The following FAM186B variants were observed in gnomAD, a reference collection of about 807,000 sequenced individuals.
FAM186B encodes the protein family with sequence similarity 186 member B.
A neutral mutation model predicts 83.4 loss-of-function variants in FAM186B; 68 were observed. The observed-to-expected ratio is 0.81, with a 90% CI of 0.67 to 1.00. The LOEUF (loss-of-function observed/expected upper bound fraction) is 1.00. Among genes scored for constraint, FAM186B ranks in the 50% least tolerant of loss-of-function variants. The probability of loss-of-function intolerance (pLI) is 0.00; values close to 1 mark genes in which losing one functional copy is unlikely to be tolerated. For synonymous variants in FAM186B, 389 were observed against 422.0 expected (o/e 0.92, Z 0.96); for missense variants, 983 against 1,099.2 (o/e 0.89, Z 1.49).
At chr12:49,605,341 A>T (rs2138314470) in intron 1 of FAM186B, 41 bp downstream of exon 1, 4 of 1,590,946 alleles carry the variant, frequency 2.5e-6, no homozygotes, top group Non-Finnish European at 3.4e-6. Flanking sequence ...TCTCCGCATC[A>T]GATCCCAATG....
chr12:49,606,367 T>C (rs141984178), upstream of FAM186B, among the ~76,000 whole-genome samples: 1 of 151,362 alleles, frequency 6.6e-6, no homozygotes, highest in African/African-American at 2.4e-5. Flanking sequence ...TGGTGGCGCA[T>C]GCCTGGGATC....
At chr12:49,618,156 C>T in the FAM186B span, among the ~76,000 whole-genome samples, 1 of 152,082 alleles carries the variant, frequency 6.6e-6, no homozygotes, top group African/African-American at 2.4e-5. Flanking sequence ...ACCATCCTGA[C>T]CAACACGGTG....
At position 49,600,836 on chromosome 12, in the gene FAM186B, C is replaced by T. The variant is rs754108727; in HGVS notation, c.804G>A (p.Ala268=). 10 of 1,612,388 alleles carry T rather than the reference C, an allele frequency of 6.2e-6. No homozygotes were observed. The highest frequency in any genetic ancestry group is 1.1e-5 in the South Asian group (1 of 90,812). The part of the protein sequence containing the change: ...ETKYRHLQMQ[A]TKELSSQRLH... ...GCCTCTGGCTGCTGAGCTCTTTGGT[C>T]GCCTGCATTTGCAGGTGCCTGTATT... Residue 268 remains alanine, a synonymous_variant, in exon 4 of 7, where the codon GCG becomes GCA. Transcript: ENST00000257894. The surrounding 1 kb of genome is among the most constrained non-coding windows in gnomAD (Gnocchi z 4.3).
intron 5 of FAM186B, chr12:49,595,425 A>G: frequency 3.9e-6 from 2 of 515,376 alleles, no homozygotes; most frequent in South Asian, 3.1e-5. Context: ...AGGGCCTTAT[A>G]GCCACTATCT....
the FAM186B span, among the ~76,000 whole-genome samples, chr12:49,612,535 GTT>G: frequency 7.3e-6 from 1 of 137,162 alleles, no homozygotes; most frequent in Non-Finnish European, 1.6e-5. Flanking sequence ...TTTTATGTGT[GTT>G]TTTTTTTTTT....
the FAM186B span, among the ~76,000 whole-genome samples, chr12:49,611,594 C>T: frequency 1.5e-5 from 2 of 131,186 alleles, no homozygotes; most frequent in African/African-American, 5.9e-5. Context: ...GGCGCAGTGG[C>T]TCACACCTGT....
At chr12:49,582,982 G>C (rs1484455441), downstream of FAM186B, 4 of 451,496 alleles carry the variant, frequency 8.9e-6, no homozygotes, top group Middle Eastern at 3.3e-4. Context: ...TGTTACCAAA[G>C]CAGGAGAAGA....
the FAM186B span, among the ~76,000 whole-genome samples, chr12:49,616,120 C>T: frequency 6.6e-6 from 1 of 151,898 alleles, no homozygotes; most frequent in Non-Finnish European, 1.5e-5. Flanking sequence ...ACCTCCGCCT[C>T]CCGGGTTCAA....
the FAM186B span, among the ~76,000 whole-genome samples, chr12:49,618,471 A>C: frequency 4.6e-5 from 7 of 152,098 alleles, no homozygotes; most frequent in Non-Finnish European, 8.8e-5. Context: ...GGAGTCTAAG[A>C]CCTCCAAGAA....
chr12:49,594,015 A>G (rs565327455), intron 5 of FAM186B: 3 of 163,292 alleles, frequency 1.8e-5, no homozygotes, highest in Non-Finnish European at 4.1e-5. Flanking sequence ...TAGGTAGGGA[A>G]TTGGTGGGTT....
chr12:49,600,461 G>A lies in FAM186B; in HGVS notation c.1179C>T (p.Ser393=), dbSNP rs184672697. ...CGACCCTCGAGCGCACAGTCATGGT[G>A]GAAAGTGGCTGGTGCCCTGCAGCTA... is the stretch of plus-strand genomic sequence containing the variant. The part of the protein sequence containing the change: ...GAIAAGHQPL[S]TMTVRSRVAD... Residue 393 remains serine, a synonymous_variant, in exon 4 of 7, where the codon TCC becomes TCT. Transcript: ENST00000257894. The surrounding 1 kb of genome is among the most constrained non-coding windows in gnomAD (Gnocchi z 4.3). 2 of 1,613,570 alleles carry A rather than the reference G, an allele frequency of 1.2e-6. No homozygotes were observed. The highest frequency in any genetic ancestry group is 4.5e-5 in the East Asian group (2 of 44,872).
upstream of FAM186B, among the ~76,000 whole-genome samples, chr12:49,607,632 CTT>C (rs1184583775): frequency 6.6e-6 from 1 of 152,162 alleles, no homozygotes; most frequent in Admixed American, 6.5e-5. Flanking sequence ...TATAAAAACT[CTT>C]TCAAAAAATT....
At chr12:49,616,463 A>C in the FAM186B span, among the ~76,000 whole-genome samples, 2,423 of 152,352 alleles carry the variant, frequency 0.016, 61 homozygotes, top group African/African-American at 0.054. Context: ...AAAAACCCAA[A>C]CACAACAGTC....
chr12:49,600,858 T>C lies in FAM186B; in HGVS notation c.782A>G (p.Tyr261Cys). The change falls in exon 4 of 7, where the codon TAC (tyrosine) becomes TGC (cysteine). Residue 261 changes from tyrosine to cysteine, a missense_variant. By Grantham distance (194) the Tyr-to-Cys change is radical. Coordinates refer to ENST00000257894, the MANE Select transcript of FAM186B (RefSeq NM_032130.3). This position sits in a 1 kb window ranked among gnomAD's most constrained non-coding sequence, Gnocchi z 4.3. ...GGTCGCCTGCATTTGCAGGTGCCTG[T>C]ATTTGGTCTCCAGGCTCCTGTTCTC... is the stretch of plus-strand genomic sequence containing the variant. ...HKENRSLETK[Y>C]RHLQMQATKE... 1 of 1,613,500 alleles carries C rather than the reference T, an allele frequency of 6.2e-7. No homozygotes were observed. Among genetic ancestry groups the C allele is most frequent in the Middle Eastern group, 1.7e-4 (1 of 6,052 alleles).
intron 6 of FAM186B, among the ~76,000 whole-genome samples, chr12:49,588,233 A>C (rs1318766218): frequency 1.3e-5 from 2 of 152,238 alleles, no homozygotes. Flanking sequence ...TGCACTGGTC[A>C]GGCTAGTCCC....
chr12:49,594,192 C>T, intron 5 of FAM186B: 1 of 282,684 alleles, frequency 3.5e-6, no homozygotes, highest in Non-Finnish European at 7.4e-6. Flanking sequence ...CAATCAGATG[C>T]AGAGAATGTG....
chr12:49,619,664 T>C, the FAM186B span: 1 of 293,406 alleles, frequency 3.4e-6, no homozygotes, highest in Non-Finnish European at 6.4e-6. Context: ...TAGTTAGACA[T>C]CTCTTTTTTT....
At position 49,587,751 on chromosome 12, in the gene FAM186B, G is replaced by A; in HGVS notation, c.2536C>T (p.Gln846Ter). The change falls in exon 7 of 7, where the codon CAA becomes TAA. Residue 846 changes from glutamine to a stop codon, truncating the protein, a stop_gained and splice_region_variant. Coordinates refer to ENST00000257894, the MANE Select transcript of FAM186B (RefSeq NM_032130.3). LOFTEE classifies it low-confidence loss of function (END_TRUNC). ...RACVPLQMAR[Q>*]QGKQMEAVWK... The stretch of plus-strand genomic sequence containing the variant: ...ACAGCCTCCATCTGCTTCCCCTGTT[G>A]GCTGGGAGTGGGGAGTTTGGAGAAT... 1 of 1,611,950 alleles carries A rather than the reference G, an allele frequency of 6.2e-7. No homozygotes were observed. Among genetic ancestry groups the A allele is most frequent in the Non-Finnish European group, 8.5e-7 (1 of 1,179,076 alleles).
rs1253980374 is a variant in FAM186B, at chr12:49,604,444, G to A, written c.191C>T (p.Ala64Val). ...CTTTGGATCTCTCTGCTGAGATTTG[G>A]CATTTTCTTTTAAATCATATCCTAA... is the stretch of plus-strand genomic sequence containing the variant. ...EELGYDLKEN[A>V]KSQQRDPKGK... is the part of the protein sequence containing the mutation. Residue 64 changes from alanine (A) to valine (V), a missense_variant, in exon 2 of 7, where the codon GCC becomes GTC. By Grantham distance (64) the Ala-to-Val change is moderately conservative (BLOSUM62 0). Coordinates refer to ENST00000257894, the MANE Select transcript of FAM186B (RefSeq NM_032130.3). 5 of 1,614,056 alleles carry A rather than the reference G, an allele frequency of 3.1e-6. No homozygotes were observed. Among genetic ancestry groups the A allele is most frequent in the Admixed American group, 1.7e-5 (1 of 60,008 alleles).
Sources: allele counts gnomAD v4.1 joint callset (sites outside exome capture counted in the v4.1 genomes callset), GRCh38; gene constraint gnomAD v4.1.1; non-coding constraint Gnocchi (gnomAD v3.1); transcripts MANE v1.5; gene names NCBI Gene and HGNC (gene_info 2026-07-23, HGNC 2026-07-21).